RARB: variants seen among roughly 807,000 people sequenced by gnomAD.
RARB encodes retinoic acid receptor beta, also known as HBV-activated protein.
Under a neutral mutation model 51.9 loss-of-function variants are expected in RARB, and 17 were observed. That is an observed-to-expected ratio of 0.33 (90% CI 0.22 to 0.49). The LOEUF is 0.49. Ranked by LOEUF, RARB falls within the 20% of genes least tolerant of loss-of-function variation. RARB has a pLI of 0.99. For missense variants in RARB, 369 were observed against 550.8 expected (o/e 0.67, Z 3.30); for synonymous variants, 215 against 195.4 (o/e 1.10, Z -0.84).
chr3:25,106,908 T>C (rs1293114683), intron 3 of RARB, among the ~76,000 whole-genome samples: 1 of 145,216 alleles, frequency 6.9e-6, no homozygotes, highest in Admixed American at 7.1e-5. Context: ...GCATTTTTTT[T>C]TGTTGTTGTT....
intron 5 of RARB, among the ~76,000 whole-genome samples, chr3:25,349,680 C>T (rs1559367360): frequency 6.6e-6 from 1 of 152,122 alleles, no homozygotes; most frequent in Non-Finnish European, 1.5e-5. Flanking sequence ...AAAATTTAAA[C>T]CAAAGTTGTA....
intron 3 of RARB, among the ~76,000 whole-genome samples, chr3:25,541,139 T>C (rs1025174653): frequency 2.6e-5 from 4 of 152,168 alleles, no homozygotes; most frequent in Non-Finnish European, 4.4e-5. Context: ...AACCACAAAA[T>C]TGAGTAGTTG....
intron 5 of RARB, among the ~76,000 whole-genome samples, chr3:25,223,841 A>G (rs1023342685): frequency 2.0e-5 from 3 of 152,210 alleles, no homozygotes; most frequent in Admixed American, 2.0e-4. Context: ...AGTATTTTAA[A>G]TGCTTTTCCT....
At chr3:25,489,174 T>G (rs1189911123) in intron 2 of RARB, among the ~76,000 whole-genome samples, 1 of 152,242 alleles carries the variant, frequency 6.6e-6, no homozygotes, top group Non-Finnish European at 1.5e-5. Flanking sequence ...CAAGTTCATG[T>G]TGTTTAAAAG....
chr3:25,051,344 C>T (rs1414893764), intron 2 of RARB, among the ~76,000 whole-genome samples: 2 of 152,036 alleles, frequency 1.3e-5, no homozygotes, highest in African/African-American at 4.8e-5. Flanking sequence ...TTAAGATAGG[C>T]CCTGACCTGA....
At chr3:25,181,793 G>A (rs955427872) in intron 5 of RARB, among the ~76,000 whole-genome samples, 3 of 152,034 alleles carry the variant, frequency 2.0e-5, no homozygotes, top group African/African-American at 7.2e-5. Flanking sequence ...TCTTTGTTCT[G>A]TTGGGAACTC....
intron 3 of RARB, among the ~76,000 whole-genome samples, chr3:25,519,596 C>G (rs1036389418): frequency 1.3e-5 from 2 of 151,984 alleles, no homozygotes; most frequent in African/African-American, 4.8e-5. Context: ...ACAGTTTGAT[C>G]TCATATTTGT....
At chr3:25,399,830 T>C (rs1042182642) in intron 5 of RARB, among the ~76,000 whole-genome samples, 1 of 152,206 alleles carries the variant, frequency 6.6e-6, no homozygotes, top group Non-Finnish European at 1.5e-5. Context: ...CTAGCAAGTC[T>C]CCCATAAGCT....
intron 3 of RARB, among the ~76,000 whole-genome samples, chr3:25,568,891 G>C (rs1318744918): frequency 1.3e-5 from 2 of 152,238 alleles, no homozygotes; most frequent in Non-Finnish European, 2.9e-5. Flanking sequence ...ATCCTAGCCA[G>C]GGGCTAGAGC....
chr3:25,116,985 GT>G (rs1182005016), intron 3 of RARB, among the ~76,000 whole-genome samples: 1 of 152,114 alleles, frequency 6.6e-6, no homozygotes, highest in South Asian at 2.1e-4. Flanking sequence ...AACTTTACAG[GT>G]TGTTTCATTA....
chr3:25,262,550 G>A (rs1402317740), intron 5 of RARB, among the ~76,000 whole-genome samples: 2 of 152,148 alleles, frequency 1.3e-5, no homozygotes, highest in Non-Finnish European at 2.9e-5. Context: ...AGGCTCTAGA[G>A]GCCATCTGCA....
At chr3:24,871,381 G>T (rs956176759) in intron 2 of RARB, among the ~76,000 whole-genome samples, 1 of 152,102 alleles carries the variant, frequency 6.6e-6, no homozygotes, top group Non-Finnish European at 1.5e-5. Context: ...ATCAACCTCT[G>T]ACAAACGTCG....
chr3:25,180,519 A>T (rs1033160239), intron 5 of RARB, among the ~76,000 whole-genome samples: 3 of 152,198 alleles, frequency 2.0e-5, no homozygotes, highest in Non-Finnish European at 4.4e-5. Context: ...TTATATTCAG[A>T]TGGCCTTGAG....
At chr3:25,323,069 A>G (rs1414217943) in intron 5 of RARB, among the ~76,000 whole-genome samples, 1 of 152,150 alleles carries the variant, frequency 6.6e-6, no homozygotes, top group Non-Finnish European at 1.5e-5. Flanking sequence ...CCCTGGTCCT[A>G]TCTGTTGGCA....
intron 1 of RARB, chr3:25,441,347 G>T: frequency 2.8e-6 from 1 of 352,864 alleles, no homozygotes. Flanking sequence ...AGGGAAGTTT[G>T]CGAATCAGTT....
chr3:25,360,290 A>G lies in RARB; in HGVS notation c.179-100903A>G, dbSNP rs370642912. On this transcript the variant is annotated intron_variant, in intron 5 of 11. Coordinates refer to the RARB transcript ENST00000383772. ...AAAGTCTGTTTTATCAGAGACTAGG[A>G]TTGCAACACTTGCTTTTTTTGCTTT... Among the ~76,000 whole-genome samples, 8 of 152,246 alleles carry G rather than the reference A, an allele frequency of 5.3e-5. No individual in the cohort carries two copies. In the East Asian group the frequency reaches 1.5e-3, roughly 29 times the overall value.
intron 2 of RARB, among the ~76,000 whole-genome samples, chr3:24,902,560 T>G (rs574725251): frequency 1.3e-5 from 2 of 152,120 alleles, no homozygotes; most frequent in South Asian, 4.2e-4. Context: ...GTTGGGAATT[T>G]TATGAATTTA....
At chr3:25,317,498 A>G (rs1315109234) in intron 5 of RARB, among the ~76,000 whole-genome samples, 2 of 152,168 alleles carry the variant, frequency 1.3e-5, no homozygotes, top group African/African-American at 2.4e-5. Context: ...GTCTCATTTC[A>G]TGGTCAAATC....
chr3:24,923,727 T>G (rs992932538), intron 2 of RARB, among the ~76,000 whole-genome samples: 7 of 152,170 alleles, frequency 4.6e-5, no homozygotes, highest in Non-Finnish European at 7.3e-5. Flanking sequence ...TTAGGAAGGC[T>G]TGTGAACATA....
Sources: gnomAD v4.1 joint callset for allele counts (sites outside exome capture counted in the v4.1 genomes callset) on GRCh38, gnomAD v4.1.1 for gene constraint, MANE v1.5 for transcripts, NCBI Gene and HGNC (gene_info 2026-07-23, HGNC 2026-07-21) for gene names.